PCDH7: variants seen among roughly 807,000 people sequenced by gnomAD.
PCDH7 encodes the protein protocadherin 7.
Under a neutral mutation model 58.9 loss-of-function variants are expected in PCDH7, and 17 were observed. The ratio of observed to expected loss-of-function variants is 0.29; its 90% CI spans 0.20 to 0.43. The LOEUF is 0.43. Ranked by LOEUF, PCDH7 falls within the 20% of genes least tolerant of loss-of-function variation. The pLI is 1.00. For missense variants in PCDH7, 1,274 were observed against 1,441.0 expected, an observed-to-expected ratio of 0.88 and a Z score of 1.88; for synonymous variants, 664 against 616.4, an observed-to-expected ratio of 1.08 and a Z score of -1.14.
chr4:30,999,519 A>G (rs1752172968), intron 3 of PCDH7, among the ~76,000 whole-genome samples: 1 of 152,126 alleles, frequency 6.6e-6, no homozygotes, highest in South Asian at 2.1e-4. Flanking sequence ...ATTTGAATAG[A>G]GCATCCTTAA....
rs144667000 is a variant in PCDH7, at chr4:31,040,580, A to G, written c.*7+90365A>G. Among the ~76,000 whole-genome samples, 974 of 152,348 alleles carry G rather than the reference A, an allele frequency of 6.4e-3. 4 individuals carry two copies. Among genetic ancestry groups the G allele is most frequent in the Admixed American group, 9.5e-3 (145 of 15,296 alleles). ...TTTCGGTATATAGGGCATATTCACCATTAATCAGAAACTAAAAACATTTCT... is the reference window on the plus strand; with the variant it reads ...TTTCGGTATATAGGGCATATTCACCGTTAATCAGAAACTAAAAACATTTCT... On this transcript the variant is annotated intron_variant, in intron 3 of 3. Coordinates refer to the PCDH7 transcript ENST00000509759.
intron 3 of PCDH7, among the ~76,000 whole-genome samples, chr4:31,067,696 C>T (rs1035827242): frequency 1.3e-5 from 2 of 151,952 alleles, no homozygotes; most frequent in African/African-American, 4.8e-5. Flanking sequence ...ATATTACCAG[C>T]TTAGTTCATT....
intron 3 of PCDH7, among the ~76,000 whole-genome samples, chr4:30,986,931 A>C (rs1560556496): frequency 6.6e-6 from 1 of 152,088 alleles, no homozygotes; most frequent in Non-Finnish European, 1.5e-5. Flanking sequence ...CAGTGAGCCG[A>C]GATCACGCCA....
At chr4:30,977,912 G>C (rs1051330851) in intron 3 of PCDH7, among the ~76,000 whole-genome samples, 1 of 152,150 alleles carries the variant, frequency 6.6e-6, no homozygotes, top group East Asian at 1.9e-4. Context: ...TTAAAATAAC[G>C]TGGTGGAGAG....
At chr4:30,807,522 A>G (rs911131597) in intron 1 of PCDH7, among the ~76,000 whole-genome samples, 1 of 152,204 alleles carries the variant, frequency 6.6e-6, no homozygotes, top group African/African-American at 2.4e-5. Context: ...AACTGCAATC[A>G]TGAGCTTTCC....
intron 3 of PCDH7, among the ~76,000 whole-genome samples, chr4:31,057,298 C>T (rs1757337372): frequency 6.6e-6 from 1 of 152,080 alleles, no homozygotes; most frequent in Non-Finnish European, 1.5e-5. Context: ...AAAATAAAGT[C>T]ATCATAGAAA....
At position 30,792,072 on chromosome 4, in the gene PCDH7, A is replaced by G. The variant is rs150859054; in HGVS notation, c.70+67476A>G. Among the ~76,000 whole-genome samples, 201 of 152,338 alleles carry G rather than the reference A, an allele frequency of 1.3e-3. No individual in the cohort carries two copies. The Middle Eastern group carries it at 0.017, about 13-fold the overall frequency. On this transcript the variant is annotated intron_variant, in intron 1 of 3. Transcript: ENST00000509759. ...GCAAATGTGCTGTGTTTATTAAGTG[A>G]TAAGATTTCAGTGTATGAACAGAAA...
intron 3 of PCDH7, among the ~76,000 whole-genome samples, chr4:31,021,971 C>A (rs573130533): frequency 5.3e-5 from 8 of 152,040 alleles, no homozygotes; most frequent in Non-Finnish European, 1.2e-4. Flanking sequence ...GGTGAATGTA[C>A]CTTTGGTTAG....
chr4:31,116,213 G>A (rs908930533), intron 3 of PCDH7, among the ~76,000 whole-genome samples: 8 of 152,080 alleles, frequency 5.3e-5, no homozygotes, highest in African/African-American at 1.9e-4. Context: ...TTGAGTTCCT[G>A]CACACATCAT....
rs192120668 is a variant in PCDH7, at chr4:31,093,578, G to A, written c.*8-48895G>A. On this transcript the variant is annotated intron_variant, in intron 3 of 3. Coordinates refer to the PCDH7 transcript ENST00000509759. ...TGAATTTATAGAAATAAAGTGCAAG[G>A]TGCAGTGAATTTTCCACACACACAC... is the stretch of plus-strand genomic sequence containing the variant. Among the ~76,000 whole-genome samples, 152 of 137,748 alleles carry A rather than the reference G, an allele frequency of 1.1e-3. 1 individual carries two copies. The highest frequency in any genetic ancestry group is 3.9e-3 in the African/African-American group (132 of 33,554). 90.4% of individuals were successfully genotyped at this position (137,748 alleles called of 152,430 possible). A position where few individuals can be genotyped will look rare whatever the true frequency, so the allele number is the denominator to read the frequency against.
chr4:31,010,489 A>G (rs1353971909), intron 3 of PCDH7, among the ~76,000 whole-genome samples: 1 of 152,000 alleles, frequency 6.6e-6, no homozygotes, highest in African/African-American at 2.4e-5. Flanking sequence ...ATTATATGAG[A>G]TATATCAATA....
intron 1 of PCDH7, among the ~76,000 whole-genome samples, chr4:30,862,443 A>G (rs145188538): frequency 9.9e-5 from 15 of 152,276 alleles, no homozygotes; most frequent in Middle Eastern, 3.4e-3. Flanking sequence ...GGGAATCCCT[A>G]TTCATATATG....
intron 1 of PCDH7, among the ~76,000 whole-genome samples, chr4:30,912,924 G>A (rs542624620): frequency 2.0e-5 from 3 of 151,948 alleles, no homozygotes; most frequent in Admixed American, 6.6e-5. Context: ...TAATACGTCC[G>A]ATTGTGGGAC....
At chr4:30,995,413 C>G (rs960379953) in intron 3 of PCDH7, among the ~76,000 whole-genome samples, 1 of 151,752 alleles carries the variant, frequency 6.6e-6, no homozygotes. Context: ...TCGGGAGGCT[C>G]ACGCAGGAGA....
intron 3 of PCDH7, among the ~76,000 whole-genome samples, chr4:31,046,804 T>G (rs979080374): frequency 4.6e-5 from 7 of 152,058 alleles, no homozygotes; most frequent in Non-Finnish European, 8.8e-5. Context: ...ATATTAAAGG[T>G]TTGGAGATTT....
intron 2 of PCDH7, among the ~76,000 whole-genome samples, chr4:30,946,636 T>C (rs1460593765): frequency 3.3e-5 from 5 of 151,996 alleles, no homozygotes; most frequent in African/African-American, 1.2e-4. Context: ...TTTACTCCTC[T>C]TGTATCTTTG....
chr4:30,957,065 T>G (rs995408077), intron 3 of PCDH7, among the ~76,000 whole-genome samples: 1 of 152,114 alleles, frequency 6.6e-6, no homozygotes, highest in Non-Finnish European at 1.5e-5. Context: ...TATTCCAACT[T>G]AAAATCAGCA....
intron 1 of PCDH7, among the ~76,000 whole-genome samples, chr4:30,750,797 T>A (rs1718412872): frequency 6.6e-6 from 1 of 151,772 alleles, no homozygotes; most frequent in South Asian, 2.1e-4. Context: ...CAGCTTTAAG[T>A]GTAACGCGAA....
At chr4:31,142,968 G>T (rs1047312273), downstream of PCDH7, 1 of 663,160 alleles carries the variant, frequency 1.5e-6, no homozygotes, top group Non-Finnish European at 2.2e-6. Flanking sequence ...ACAAAGCTTT[G>T]CCTGCCACTT....
Sources: allele counts gnomAD v4.1 joint callset (sites outside exome capture counted in the v4.1 genomes callset), GRCh38; gene constraint gnomAD v4.1.1; transcripts MANE v1.5; gene names NCBI Gene and HGNC (gene_info 2026-07-23, HGNC 2026-07-21).